RPS6KA5: variants seen among roughly 807,000 people sequenced by gnomAD.
RPS6KA5 encodes ribosomal protein S6 kinase A5, also known as ribosomal protein S6 kinase alpha-5.
RPS6KA5 carries 27 observed loss-of-function variants against 85.5 expected under a neutral mutation model. The observed-to-expected ratio is 0.32, with a 90% confidence interval of 0.23 to 0.44. RPS6KA5 has a LOEUF of 0.44. RPS6KA5 is among the 20% of genes least tolerant of loss of function. The probability of loss-of-function intolerance (pLI) is 1.00; values close to 1 mark genes in which losing one functional copy is unlikely to be tolerated. For missense variants in RPS6KA5, 811 were observed against 980.9 expected, an observed-to-expected ratio of 0.83 and a Z score of 2.31; for synonymous variants, 334 against 348.2, an observed-to-expected ratio of 0.96 and a Z score of 0.46.
intron 2 of RPS6KA5, among the ~76,000 whole-genome samples, chr14:91,000,805 A>AAAAT: frequency 6.6e-6 from 1 of 151,880 alleles, no homozygotes; most frequent in African/African-American, 2.4e-5. Context: ...CCGTCTCAAA[A>AAAAT]AAAATAAAAT....
chr14:90,976,570 TG>T (rs2039579057), intron 3 of RPS6KA5, among the ~76,000 whole-genome samples: 1 of 152,170 alleles, frequency 6.6e-6, no homozygotes, highest in African/African-American at 2.4e-5. Context: ...TTGAAACCGC[TG>T]TATTAGAATG....
intron 1 of RPS6KA5, among the ~76,000 whole-genome samples, chr14:91,035,884 C>T (rs2042385678): frequency 9.5e-6 from 1 of 105,034 alleles, no homozygotes; most frequent in Non-Finnish European, 1.8e-5. Flanking sequence ...AAAAAAAACC[C>T]CAAAGCTGAA....
intron 3 of RPS6KA5, among the ~76,000 whole-genome samples, chr14:90,950,038 G>A (rs1444363914): frequency 6.6e-6 from 1 of 152,160 alleles, no homozygotes; most frequent in Non-Finnish European, 1.5e-5. Flanking sequence ...ATGACGCAGT[G>A]GTGAGCATAG....
intron 3 of RPS6KA5, among the ~76,000 whole-genome samples, chr14:90,971,596 T>G (rs1164280548): frequency 6.6e-6 from 1 of 152,156 alleles, no homozygotes; most frequent in African/African-American, 2.4e-5. Flanking sequence ...ATGTCACAGG[T>G]AAGCAAATGG....
At chr14:91,020,795 C>G (rs1006233091) in intron 1 of RPS6KA5, among the ~76,000 whole-genome samples, 2 of 151,848 alleles carry the variant, frequency 1.3e-5, no homozygotes, top group Non-Finnish European at 2.9e-5. Flanking sequence ...TTTGTCATGT[C>G]TCTTAGGTCT....
intron 1 of RPS6KA5, among the ~76,000 whole-genome samples, chr14:91,037,504 C>T (rs919166300): frequency 2.0e-5 from 3 of 152,234 alleles, no homozygotes; most frequent in African/African-American, 7.2e-5. Flanking sequence ...TGTGTCCCCT[C>T]ACCAGTGCAT....
chr14:90,914,314 T>TTTG (rs1435816863), intron 7 of RPS6KA5, among the ~76,000 whole-genome samples: 96 of 139,126 alleles, frequency 6.9e-4, no homozygotes, highest in African/African-American at 2.5e-3. Context: ...CTAGGGTTTT[T>TTTG]TTTTTTTTTT....
At position 90,992,335 on chromosome 14, in the gene RPS6KA5, A is replaced by G. The variant is rs370907968; in HGVS notation, c.175+8753T>C. Among the ~76,000 whole-genome samples the G allele has an allele frequency of 1.3e-3, 196 of 152,312 alleles. 5 individuals are homozygous for G. The South Asian group carries it at 0.04, about 31-fold the overall frequency. On this transcript the variant is annotated intron_variant, in intron 2 of 16. Coordinates refer to ENST00000614987, the MANE Select transcript of RPS6KA5 (RefSeq NM_004755.4). ...AAGCAGTCTCCATGGCTGACAACTG[A>G]TCCATTATAAAACAGTGCACACACA...
At chr14:90,979,818 T>C (rs1269285149) in intron 2 of RPS6KA5, among the ~76,000 whole-genome samples, 1 of 152,210 alleles carries the variant, frequency 6.6e-6, no homozygotes, top group Non-Finnish European at 1.5e-5. Flanking sequence ...AGGAAATGTG[T>C]TCAGAATAGT....
intron 2 of RPS6KA5, among the ~76,000 whole-genome samples, chr14:90,998,757 A>C (rs1055544782): frequency 1.1e-4 from 16 of 152,226 alleles, no homozygotes; most frequent in Non-Finnish European, 1.5e-5. Flanking sequence ...TTCTGACAAT[A>C]ACATGCTTAG....
At position 90,867,784 on chromosome 14, in the gene RPS6KA5, T is replaced by C. The variant is rs1484949814; in HGVS notation, c.*4290A>G. On this transcript the variant is annotated 3_prime_UTR_variant, in exon 17 of 17. Transcript: ENST00000614987. The stretch of plus-strand genomic sequence containing the variant: ...AGACACAAACATTTGGAAGCCACTT[T>C]AGTTTCTTATTCCTTTTCACCCTAA... 1 of 152,220 alleles carries C rather than the reference T, an allele frequency of 6.6e-6. No homozygotes were observed. Among genetic ancestry groups the C allele is most frequent in the Non-Finnish European group, 1.5e-5 (1 of 68,026 alleles). The allele number at this position is 152,220 out of a possible 1,614,324, so 9.4% of individuals were successfully genotyped here.
At chr14:90,979,475 A>G (rs956770446) in intron 2 of RPS6KA5, among the ~76,000 whole-genome samples, 1 of 152,232 alleles carries the variant, frequency 6.6e-6, no homozygotes, top group African/African-American at 2.4e-5. Context: ...TAATCAGACC[A>G]TTATTGAGTT....
intron 5 of RPS6KA5, among the ~76,000 whole-genome samples, chr14:90,926,012 C>A (rs578155393): frequency 1.4e-5 from 2 of 140,248 alleles, no homozygotes. Flanking sequence ...AATAAAGAAA[C>A]GAGGCAATAA....
intron 8 of RPS6KA5, 54 bp from the exon 9 acceptor site, chr14:90,903,023 C>A: frequency 3.4e-6 from 5 of 1,457,364 alleles, no homozygotes; most frequent in South Asian, 2.5e-5. Flanking sequence ...AATGTACTTT[C>A]TAAGAATAAC....
At chr14:90,946,510 C>G (rs1369421700) in intron 4 of RPS6KA5, among the ~76,000 whole-genome samples, 1 of 152,144 alleles carries the variant, frequency 6.6e-6, no homozygotes, top group Non-Finnish European at 1.5e-5. Flanking sequence ...TTACCTCCAC[C>G]TTGCTGCCTG....
intron 3 of RPS6KA5, among the ~76,000 whole-genome samples, chr14:90,968,232 C>T (rs1056232993): frequency 6.6e-6 from 1 of 152,058 alleles, no homozygotes; most frequent in African/African-American, 2.4e-5. Context: ...GCAGCTGAGT[C>T]ACTTCTCACA....
Position 90,933,919 on chromosome 14 carries a change from C to T in RPS6KA5, c.618+9159G>A, listed in dbSNP as rs141180171. 2.7e-3 allele frequency among the ~76,000 whole-genome samples: 409 copies of T among 152,294 alleles called. 4 individuals carry two copies. The highest frequency in any genetic ancestry group is 9.4e-3 in the African/African-American group (390 of 41,566). ...GCTGATCCCTCTACCTAGAAATCTCCTTCCTGAGATATCTACATGGCTGAC... is the reference window on the plus strand; with the variant it reads ...GCTGATCCCTCTACCTAGAAATCTCTTTCCTGAGATATCTACATGGCTGAC... On this transcript the variant is annotated intron_variant, in intron 5 of 16. Coordinates refer to ENST00000614987, the MANE Select transcript of RPS6KA5 (RefSeq NM_004755.4).
At chr14:91,005,537 T>G (rs556475102) in intron 1 of RPS6KA5, among the ~76,000 whole-genome samples, 1 of 152,262 alleles carries the variant, frequency 6.6e-6, no homozygotes, top group Admixed American at 6.5e-5. Context: ...TTGTCCATTA[T>G]AAAGATTTTT....
At chr14:91,012,727 A>C (rs1380287934) in intron 1 of RPS6KA5, among the ~76,000 whole-genome samples, 1 of 152,336 alleles carries the variant, frequency 6.6e-6, no homozygotes, top group East Asian at 1.9e-4. Context: ...GATAAACAAA[A>C]ACCAAACATG....
Sources: allele counts gnomAD v4.1 joint callset (sites outside exome capture counted in the v4.1 genomes callset), GRCh38; gene constraint gnomAD v4.1.1; transcripts MANE v1.5; gene names NCBI Gene and HGNC (gene_info 2026-07-23, HGNC 2026-07-21).